The following ZNF765 variants were observed in gnomAD, a reference collection of about 807,000 sequenced individuals.
ZNF765 encodes zinc finger protein 765.
In ZNF765, 37 loss-of-function variants were observed where a neutral mutation model predicts 44.7. The observed-to-expected ratio is 0.83, with a 90% CI of 0.64 to 1.09. ZNF765 has a LOEUF of 1.09. Ranked by LOEUF, ZNF765 falls within the 50% of genes least tolerant of loss-of-function variation. The probability of loss-of-function intolerance (pLI) is 0.00; values close to 1 mark genes in which losing one functional copy is unlikely to be tolerated. For synonymous variants in ZNF765, 201 were observed against 213.7 expected, an observed-to-expected ratio of 0.94 and a Z score of 0.52; for missense variants, 594 against 626.1, an observed-to-expected ratio of 0.95 and a Z score of 0.55.
At position 53,408,856 on chromosome 19, in the gene ZNF765, G is replaced by C; in HGVS notation, c.1301G>C (p.Gly434Ala). The change falls in exon 4 of 4, where the codon GGA (glycine) becomes GCA (alanine). Residue 434 changes from glycine to alanine, a missense_variant. By Grantham distance (60) the Gly-to-Ala change is moderately conservative. Coordinates refer to ENST00000396408, the MANE Select transcript of ZNF765 (RefSeq NM_001040185.3). ...CTTAACATTTGTAGACTTCATAGTG[G>C]AGAGAAACCTTACAAATGTGAAGAA... ...LTLNICRLHS[G>A]EKPYKCEECD... 1.2e-6 allele frequency: 2 copies of C among 1,613,978 alleles called. No individual in the cohort carries two copies. The highest frequency in any genetic ancestry group is 1.7e-6 in the Non-Finnish European group (2 of 1,179,970).
chr19:53,414,492 C>CACCA (rs1568786161), downstream of ZNF765, among the ~76,000 whole-genome samples: 5 of 15,514 alleles, frequency 3.2e-4, 1 homozygote, highest in Non-Finnish European at 1.2e-3. Context: ...CACACACACC[C>CACCA]CCCCCCCCCC....
downstream of ZNF765, among the ~76,000 whole-genome samples, chr19:53,412,158 G>A (rs2085839260): frequency 6.6e-6 from 1 of 152,138 alleles, no homozygotes; most frequent in African/African-American, 2.4e-5. Context: ...TTCACTCATT[G>A]GTCATTTCAT....
At position 53,408,321 on chromosome 19, in the gene ZNF765, C is replaced by A; in HGVS notation, c.766C>A (p.Arg256=). The A allele has an allele frequency of 1.2e-6, 2 of 1,614,152 alleles. No homozygotes were observed. Among genetic ancestry groups the A allele is most frequent in the African/African-American group, 1.3e-5 (1 of 75,048 alleles). Residue 256 remains arginine (R), a synonymous_variant, in exon 4 of 4, where the codon CGA becomes AGA. Coordinates refer to ENST00000396408, the MANE Select transcript of ZNF765 (RefSeq NM_001040185.3). ...ATGTGGCAAGGTCTTTAATTCGAAGCGATACGTTGCACGCCATCGTAGATG... is the reference window on the plus strand; with the variant it reads ...ATGTGGCAAGGTCTTTAATTCGAAGAGATACGTTGCACGCCATCGTAGATG... ...DICGKVFNSK[R]YVARHRRCHT... is the part of the protein sequence containing the mutation.
At chr19:53,396,269 G>C (rs1020611570) in intron 1 of ZNF765, among the ~76,000 whole-genome samples, 9 of 152,076 alleles carry the variant, frequency 5.9e-5, no homozygotes, top group Admixed American at 5.9e-4. Context: ...AGGGAAGAGA[G>C]AATGTAACAG....
chr19:53,408,283 A>G lies in ZNF765; in HGVS notation c.728A>G (p.Tyr243Cys), dbSNP rs1369059106. The G allele has an allele frequency of 5.6e-6, 9 of 1,614,236 alleles. No individual in the cohort carries two copies. The highest frequency in any genetic ancestry group is 7.6e-6 in the Non-Finnish European group (9 of 1,180,032). ...HQLIHLGEKQ[Y>C]KCDICGKVFN... ...TTAATCCATTTAGGAGAGAAACAAT[A>G]TAAATGCGATATATGTGGCAAGGTC... The change falls in exon 4 of 4, where the codon TAT becomes TGT. Residue 243 changes from tyrosine (Y) to cysteine (C), a missense_variant. By Grantham distance (194) the Tyr-to-Cys change is radical (BLOSUM62 -2). Coordinates refer to ENST00000396408, the MANE Select transcript of ZNF765 (RefSeq NM_001040185.3).
At position 53,411,051 on chromosome 19, in the gene ZNF765, T is replaced by C. The variant is rs1326458669; in HGVS notation, c.*1924T>C. ...CAAACCATCAAGCATTAATTGACAC[T>C]AGAGTCAGTTCAGCATTGACTTGAG... On this transcript the variant is annotated 3_prime_UTR_variant, in exon 4 of 4. Coordinates refer to ENST00000396408, the MANE Select transcript of ZNF765 (RefSeq NM_001040185.3). The C allele has an allele frequency of 3.3e-6, 1 of 300,944 alleles. No homozygotes were observed. Among genetic ancestry groups the C allele is most frequent in the Non-Finnish European group, 6.7e-6 (1 of 148,198 alleles). 18.6% of individuals were successfully genotyped at this position (300,944 alleles called of 1,614,324 possible).
Position 53,409,226 on chromosome 19 carries a change from CT to C in ZNF765, c.*101del. 8.1e-7 allele frequency: 1 copy of C among 1,238,370 alleles called. No homozygotes were observed. The highest frequency in any genetic ancestry group is 1.2e-6 in the Non-Finnish European group (1 of 843,214). 76.7% of individuals were successfully genotyped at this position (1,238,370 alleles called of 1,614,324 possible). A position where few individuals can be genotyped will look rare whatever the true frequency, so the allele number is the denominator to read the frequency against. On this transcript the variant is annotated 3_prime_UTR_variant, in exon 4 of 4. Coordinates refer to ENST00000396408, the MANE Select transcript of ZNF765 (RefSeq NM_001040185.3). ...TACAAATATGAAGAACTTGACAAAG[CT>C]TACAATTTCAAATCAAACCTTGAAA...
rs2085802367 is a variant in ZNF765, at chr19:53,408,671, C to T, written c.1116C>T (p.Cys372=). ...KTFSRKSHFT[C]HHRVHTGEKP... is the part of the protein sequence containing the mutation. ...TTAGTCGGAAGTCACATTTTACATG[C>T]CATCATAGAGTTCATACTGGAGAGA... Residue 372 remains cysteine (C), a synonymous_variant, in exon 4 of 4, where the codon TGC becomes TGT. Coordinates refer to ENST00000396408, the MANE Select transcript of ZNF765 (RefSeq NM_001040185.3). 1 of 1,611,636 alleles carries T rather than the reference C, an allele frequency of 6.2e-7. No homozygotes were observed. Among genetic ancestry groups the T allele is most frequent in the Non-Finnish European group, 8.5e-7 (1 of 1,179,302 alleles).
intron 3 of ZNF765, among the ~76,000 whole-genome samples, chr19:53,404,069 A>G (rs778530485): frequency 3.3e-5 from 5 of 152,134 alleles, no homozygotes; most frequent in Non-Finnish European, 5.9e-5. Flanking sequence ...TTATTTGCCT[A>G]TTCATTTATT....
chr19:53,420,432 A>G (rs2085900367), intron 3 of ZNF765, among the ~76,000 whole-genome samples: 2 of 152,220 alleles, frequency 1.3e-5, no homozygotes, highest in African/African-American at 4.8e-5. Context: ...AATTTTTTAT[A>G]TATGTTCTAT....
chr19:53,398,885 G>A (rs1045217801), intron 2 of ZNF765, among the ~76,000 whole-genome samples: 34 of 151,886 alleles, frequency 2.2e-4, no homozygotes, highest in Admixed American at 8.5e-4. Context: ...GAGTAGCTGG[G>A]ATTATAGGTG....
intron 1 of ZNF765, among the ~76,000 whole-genome samples, chr19:53,396,668 A>G (rs946591746): frequency 6.6e-6 from 1 of 152,182 alleles, no homozygotes; most frequent in African/African-American, 2.4e-5. Context: ...GCGTTATCTT[A>G]TAACTGTCCT....
intron 3 of ZNF765, among the ~76,000 whole-genome samples, chr19:53,418,397 G>A (rs1185092009): frequency 1.3e-5 from 2 of 152,150 alleles, no homozygotes; most frequent in Non-Finnish European, 2.9e-5. Flanking sequence ...AGCTGTGACA[G>A]GTAAAATGAT....
chr19:53,413,603 T>TG (rs1491075642), downstream of ZNF765, among the ~76,000 whole-genome samples: 10 of 24,370 alleles, frequency 4.1e-4, 1 homozygote, highest in East Asian at 7.4e-3. Context: ...TTTTTAGGTT[T>TG]TTTTTTTTTT....
chr19:53,410,692 A>T lies in ZNF765; in HGVS notation c.*1565A>T, dbSNP rs2085825632. The T allele has an allele frequency of 4.4e-6, 2 of 449,660 alleles. No homozygotes were observed. The highest frequency in any genetic ancestry group is 4.1e-5 in the African/African-American group (2 of 49,342). 27.9% of individuals were successfully genotyped at this position (449,660 alleles called of 1,614,324 possible). A position where few individuals can be genotyped will look rare whatever the true frequency, so the allele number is the denominator to read the frequency against. ...ATCATACTAGTTTAATAAATTTGGC[A>T]AATTTTTCAGACATTGTTCATAACT... On this transcript the variant is annotated 3_prime_UTR_variant, in exon 4 of 4. Coordinates refer to ENST00000396408, the MANE Select transcript of ZNF765 (RefSeq NM_001040185.3).
At chr19:53,414,475 ACACACACACACACACCCCCCCCCC>A (rs2085860192), downstream of ZNF765, among the ~76,000 whole-genome samples, 4 of 1,950 alleles carry the variant, frequency 2.1e-3, no homozygotes, top group South Asian at 0.02. Context: ...ACACACACAC[ACACACACACACACACCCCCCCCCC>A]CCCCCCCCCC....
chr19:53,397,622 C>G (rs1333355953), intron 1 of ZNF765, among the ~76,000 whole-genome samples: 1 of 152,126 alleles, frequency 6.6e-6, no homozygotes, highest in African/African-American at 2.4e-5. Flanking sequence ...CTCAAGAGAT[C>G]TACGCACCTC....
At chr19:53,403,828 C>T (rs1439825001) in intron 3 of ZNF765, among the ~76,000 whole-genome samples, 2 of 119,406 alleles carry the variant, frequency 1.7e-5, no homozygotes, top group African/African-American at 6.7e-5. Flanking sequence ...GGTGACAGCA[C>T]GAGACTCTGT....
chr19:53,410,064 A>G lies in ZNF765; in HGVS notation c.*937A>G. 2.2e-6 allele frequency: 1 copy of G among 458,896 alleles called. No individual in the cohort carries two copies. Among genetic ancestry groups the G allele is most frequent in the South Asian group, 1.6e-5 (1 of 61,202 alleles). 28.4% of individuals were successfully genotyped at this position (458,896 alleles called of 1,614,324 possible). A position where few individuals can be genotyped will look rare whatever the true frequency, so the allele number is the denominator to read the frequency against. ...GACATCCTTCATACCTTTGCAGTTC[A>G]TGGGTGAAGTCGTATTAGAAACCTT... On this transcript the variant is annotated 3_prime_UTR_variant, in exon 4 of 4. Coordinates refer to ENST00000396408, the MANE Select transcript of ZNF765 (RefSeq NM_001040185.3).
Sources: allele counts gnomAD v4.1 joint callset (sites outside exome capture counted in the v4.1 genomes callset), GRCh38; gene constraint gnomAD v4.1.1; transcripts MANE v1.5; gene names NCBI Gene and HGNC (gene_info 2026-07-23, HGNC 2026-07-21).